Variants in FAF1 observed in about 807,000 individuals in gnomAD.
FAF1 encodes the protein FAS-associated factor 1.
In FAF1, 25 loss-of-function variants were observed where a neutral mutation model predicts 92.5. That is an observed-to-expected ratio of 0.27 (90% CI 0.20 to 0.38). The LOEUF is 0.38. FAF1 is among the 10% of genes least tolerant of loss of function. FAF1 has a pLI of 1.00. For synonymous variants in FAF1, 234 were observed against 273.2 expected, an observed-to-expected ratio of 0.86 and a Z score of 1.42; for missense variants, 636 against 793.3, an observed-to-expected ratio of 0.80 and a Z score of 2.38.
chr1:50,463,801 G>A (rs1366861326), intron 18 of FAF1, among the ~76,000 whole-genome samples: 3 of 152,064 alleles, frequency 2.0e-5, no homozygotes, highest in Admixed American at 6.6e-5. Context: ...CTTTCACATC[G>A]GAGATCCACC....
intron 8 of FAF1, 130 bp downstream of exon 8, chr1:50,655,312 G>A (rs1263150351): frequency 2.5e-5 from 18 of 716,226 alleles, no homozygotes; most frequent in South Asian, 1.5e-4. Flanking sequence ...ATGAGCCACC[G>A]TGCCTGGCTA....
chr1:50,549,001 G>A (rs1401292560), intron 13 of FAF1, among the ~76,000 whole-genome samples: 1 of 152,172 alleles, frequency 6.6e-6, no homozygotes, highest in East Asian at 1.9e-4. Context: ...GTGCTTCAGA[G>A]TCAAAATTGG....
intron 6 of FAF1, among the ~76,000 whole-genome samples, chr1:50,716,365 A>T (rs1379691462): frequency 1.3e-5 from 2 of 152,220 alleles, no homozygotes; most frequent in Non-Finnish European, 2.9e-5. Context: ...CATTAATAGT[A>T]CTAGGGGAAG....
chr1:50,916,872 A>G (rs1644922297), intron 1 of FAF1, among the ~76,000 whole-genome samples: 1 of 152,246 alleles, frequency 6.6e-6, no homozygotes, highest in South Asian at 2.1e-4. Flanking sequence ...AAAGACAGAA[A>G]TAAAAAGCAG....
chr1:50,637,508 T>G (rs72900928), intron 8 of FAF1, among the ~76,000 whole-genome samples: 10,067 of 151,786 alleles, frequency 0.066, 429 homozygotes, highest in East Asian at 0.095. Flanking sequence ...CACTAGCTCT[T>G]TCACATTTCC....
At chr1:50,741,986 A>G (rs2124491240) in intron 5 of FAF1, among the ~76,000 whole-genome samples, 1 of 152,300 alleles carries the variant, frequency 6.6e-6, no homozygotes, top group Non-Finnish European at 1.5e-5. Context: ...TGGGAATAGC[A>G]GAAATCACCT....
chr1:50,684,615 C>T (rs558545631), intron 7 of FAF1, among the ~76,000 whole-genome samples: 7 of 152,174 alleles, frequency 4.6e-5, no homozygotes, highest in African/African-American at 9.6e-5. Context: ...ATGAGATAAA[C>T]GATCCCACTG....
chr1:50,599,011 C>G (rs747216911), intron 8 of FAF1, among the ~76,000 whole-genome samples: 1 of 152,086 alleles, frequency 6.6e-6, no homozygotes, highest in African/African-American at 2.4e-5. Context: ...AAAGTATGTA[C>G]TACAGGCACA....
intron 1 of FAF1, among the ~76,000 whole-genome samples, chr1:50,917,578 AAAAGG>A (rs1314089759): frequency 2.0e-5 from 3 of 151,476 alleles, no homozygotes; most frequent in African/African-American, 4.9e-5. Flanking sequence ...AAGGAAAGGA[AAAAGG>A]AAAGGAAAAG....
intron 3 of FAF1, among the ~76,000 whole-genome samples, chr1:50,800,188 G>C (rs1319633051): frequency 6.6e-6 from 1 of 152,158 alleles, no homozygotes; most frequent in African/African-American, 2.4e-5. Context: ...TCTGTGACAG[G>C]AAAGATGGAA....
intron 8 of FAF1, among the ~76,000 whole-genome samples, chr1:50,640,886 T>G (rs1654296199): frequency 7.6e-6 from 1 of 131,780 alleles, no homozygotes; most frequent in African/African-American, 2.9e-5. Context: ...CAGGCTGGAG[T>G]GCAGTGGCAC....
At chr1:50,760,853 G>A (rs1660295851) in intron 4 of FAF1, among the ~76,000 whole-genome samples, 1 of 152,100 alleles carries the variant, frequency 6.6e-6, no homozygotes, top group Non-Finnish European at 1.5e-5. Context: ...AGAACTGAAG[G>A]AAATAGAGAC....
chr1:50,441,579 C>T, intron 18 of FAF1, 56 bp from the exon 19 acceptor site: 1 of 997,600 alleles, frequency 1.0e-6, no homozygotes, highest in Non-Finnish European at 1.5e-6. Flanking sequence ...ATATTCTCTA[C>T]ATGGCCTTCA....
intron 13 of FAF1, among the ~76,000 whole-genome samples, chr1:50,565,817 C>A (rs929528319): frequency 6.6e-6 from 1 of 152,062 alleles, no homozygotes; most frequent in Non-Finnish European, 1.5e-5. Flanking sequence ...GTGTTTCCTT[C>A]TCCATCAAGT....
intron 7 of FAF1, among the ~76,000 whole-genome samples, chr1:50,662,692 T>G: frequency 8.4e-6 from 1 of 118,414 alleles, no homozygotes; most frequent in East Asian, 2.3e-4. Flanking sequence ...TCTTTTTTTT[T>G]TTTTTTTTTT....
At chr1:50,747,414 T>C (rs1187276031) in intron 4 of FAF1, among the ~76,000 whole-genome samples, 3 of 152,122 alleles carry the variant, frequency 2.0e-5, no homozygotes, top group African/African-American at 7.2e-5. Flanking sequence ...TCCTGCTGGG[T>C]TTTGAACTTG....
intron 17 of FAF1, among the ~76,000 whole-genome samples, chr1:50,483,494 T>C (rs1646725801): frequency 6.6e-6 from 1 of 152,202 alleles, no homozygotes. Flanking sequence ...AGAATCAGTT[T>C]ATCAATCTCT....
intron 8 of FAF1, among the ~76,000 whole-genome samples, chr1:50,616,644 A>C (rs1161613957): frequency 6.7e-6 from 1 of 149,064 alleles, no homozygotes; most frequent in Non-Finnish European, 1.5e-5. Flanking sequence ...CCTGGGTGTT[A>C]CTGGTGTATA....
rs2148969967 is a variant in FAF1 at position 50,437,976 on chromosome 1, T to A, written c.*3464A>T. On this transcript the variant is annotated 3_prime_UTR_variant, in exon 19 of 19. Coordinates refer to ENST00000396153, the MANE Select transcript of FAF1 (RefSeq NM_007051.3). ...AGATGGAGGTTGCAGTGAGCCGAGA[T>A]CGTGCCACTGCACTCTAGCCTGAGC... The A allele has an allele frequency of 7.5e-6, 1 of 133,220 alleles. No individual in the cohort carries two copies. Among genetic ancestry groups the A allele is most frequent in the South Asian group, 2.4e-4 (1 of 4,210 alleles). The allele number at this position is 133,220 out of a possible 1,614,324, so 8.3% of individuals were successfully genotyped here.
Sources: allele counts gnomAD v4.1 joint callset (sites outside exome capture counted in the v4.1 genomes callset), GRCh38; gene constraint gnomAD v4.1.1; transcripts MANE v1.5; gene names NCBI Gene and HGNC (gene_info 2026-07-23, HGNC 2026-07-21).